The following SLCO5A1 variants were observed in gnomAD, a reference collection of about 807,000 sequenced individuals.
SLCO5A1 encodes organic anion transporter polypeptide-related protein 4.
SLCO5A1 carries 39 observed loss-of-function variants against 65.1 expected under a neutral mutation model. The observed-to-expected ratio is 0.60, with a 90% confidence interval of 0.46 to 0.78. The LOEUF (loss-of-function observed/expected upper bound fraction) is 0.78. Among genes scored for constraint, SLCO5A1 ranks in the 30% least tolerant of loss-of-function variants. SLCO5A1 has a pLI of 0.00. For synonymous variants in SLCO5A1, 438 were observed against 415.7 expected, an observed-to-expected ratio of 1.05 and a Z score of -0.65; for missense variants, 1,029 against 1,069.4, an observed-to-expected ratio of 0.96 and a Z score of 0.53.
chr8:69,682,479 G>C, intron 6 of SLCO5A1, 136 bp from the exon 7 acceptor site: 1 of 769,902 alleles, frequency 1.3e-6, no homozygotes, highest in Non-Finnish European at 1.8e-6. Context: ...ACCCAAAGTA[G>C]TCATCCTCAA....
At chr8:69,708,853 G>C (rs1815090265) in intron 5 of SLCO5A1, among the ~76,000 whole-genome samples, 1 of 152,110 alleles carries the variant, frequency 6.6e-6, no homozygotes, top group African/African-American at 2.4e-5. Context: ...GTTGCAGTGA[G>C]CTGAGACTGC....
intron 2 of SLCO5A1, among the ~76,000 whole-genome samples, chr8:69,783,380 T>C (rs575532969): frequency 6.6e-6 from 1 of 152,214 alleles, no homozygotes; most frequent in East Asian, 1.9e-4. Flanking sequence ...TTCTCTATTG[T>C]GTGCTTATTT....
chr8:69,704,768 C>A, intron 6 of SLCO5A1: 1 of 428,156 alleles, frequency 2.3e-6, no homozygotes, highest in Non-Finnish European at 4.2e-6. Flanking sequence ...TTCATTAATC[C>A]AATAAGCATT....
chr8:69,731,172 G>A (rs1458194758), intron 5 of SLCO5A1, among the ~76,000 whole-genome samples: 1 of 152,056 alleles, frequency 6.6e-6, no homozygotes, highest in Non-Finnish European at 1.5e-5. Flanking sequence ...GCTAATTTTT[G>A]TATTTTTTGT....
chr8:69,728,620 G>A lies in SLCO5A1; in HGVS notation c.1423+9420C>T, dbSNP rs555398252. On this transcript the variant is annotated intron_variant, in intron 5 of 9. Transcript: ENST00000260126. ...TCTAAAGCTGTATTTAGTATTTTAC[G>A]ATTAACTTCTGTGCTATATGTCTTA... is the stretch of plus-strand genomic sequence containing the variant. Among the ~76,000 whole-genome samples the A allele has an allele frequency of 1.4e-4, 22 of 152,204 alleles. No individual in the cohort carries two copies. In the South Asian group the frequency reaches 2.9e-3, roughly 20 times the overall value.
intron 5 of SLCO5A1, among the ~76,000 whole-genome samples, chr8:69,709,709 T>C (rs549809099): frequency 5.9e-5 from 9 of 152,170 alleles, no homozygotes; most frequent in Admixed American, 1.3e-4. Flanking sequence ...TCTGTATAAT[T>C]GAAAACAAAA....
intron 2 of SLCO5A1, among the ~76,000 whole-genome samples, chr8:69,820,350 G>A (rs2130919319): frequency 6.6e-6 from 1 of 152,258 alleles, no homozygotes; most frequent in East Asian, 1.9e-4. Flanking sequence ...CACCCCAGCT[G>A]GCTTATAACT....
chr8:69,726,004 G>A (rs1364021803), intron 5 of SLCO5A1, among the ~76,000 whole-genome samples: 1 of 152,202 alleles, frequency 6.6e-6, no homozygotes, highest in Non-Finnish European at 1.5e-5. Flanking sequence ...GTGGTAATGT[G>A]GAGAGCACCG....
chr8:69,784,922 GA>G (rs1168505663), intron 2 of SLCO5A1, among the ~76,000 whole-genome samples: 3 of 122,662 alleles, frequency 2.4e-5, no homozygotes, highest in Admixed American at 8.2e-5. Context: ...AAGAAAGAAA[GA>G]AAGAAAGAAA....
intron 2 of SLCO5A1, among the ~76,000 whole-genome samples, chr8:69,792,061 C>G (rs1328045974): frequency 6.6e-6 from 1 of 152,224 alleles, no homozygotes; most frequent in Admixed American, 6.5e-5. Flanking sequence ...AGCTATTACC[C>G]ATCTTCTTCT....
intron 2 of SLCO5A1, among the ~76,000 whole-genome samples, chr8:69,808,409 AC>A (rs1476000826): frequency 3.9e-5 from 6 of 152,138 alleles, no homozygotes; most frequent in Non-Finnish European, 7.4e-5. Flanking sequence ...ATAAGTGAGA[AC>A]ATGTGCTAAT....
intron 5 of SLCO5A1, 76 bp downstream of exon 5, chr8:69,737,964 G>T: frequency 6.7e-7 from 1 of 1,489,938 alleles, no homozygotes; most frequent in East Asian, 2.3e-5. Flanking sequence ...ATGTTAGATT[G>T]AACTTTCTCT....
At chr8:69,821,985 G>T (rs1270190132) in intron 2 of SLCO5A1, among the ~76,000 whole-genome samples, 1 of 151,998 alleles carries the variant, frequency 6.6e-6, no homozygotes, top group East Asian at 1.9e-4. Context: ...ACTTAGCCAG[G>T]CGTGGTGGCA....
chr8:69,702,275 C>T (rs1193268111), intron 6 of SLCO5A1, among the ~76,000 whole-genome samples: 1 of 152,200 alleles, frequency 6.6e-6, no homozygotes, highest in Non-Finnish European at 1.5e-5. Context: ...ACACACATAA[C>T]CCTTGCCCAC....
At chr8:69,829,055 T>C (rs964526223) in intron 2 of SLCO5A1, among the ~76,000 whole-genome samples, 1 of 152,220 alleles carries the variant, frequency 6.6e-6, no homozygotes, top group South Asian at 2.1e-4. Context: ...GGTATCACTG[T>C]ACAGATTGAT....
At chr8:69,678,997 A>T (rs1813657281) in intron 8 of SLCO5A1, among the ~76,000 whole-genome samples, 1 of 152,206 alleles carries the variant, frequency 6.6e-6, no homozygotes, top group Non-Finnish European at 1.5e-5. Flanking sequence ...CGATTTAGCA[A>T]CTTTCTCAAA....
chr8:69,780,184 C>T (rs1818733641), intron 2 of SLCO5A1, among the ~76,000 whole-genome samples: 1 of 152,228 alleles, frequency 6.6e-6, no homozygotes, highest in African/African-American at 2.4e-5. Context: ...GAAAAGGGAA[C>T]TCTTATACAC....
rs1813601457 is a variant in SLCO5A1 at position 69,677,588 on chromosome 8, C to T, written c.2025-915G>A. Among the ~76,000 whole-genome samples, 4 of 152,164 alleles carry T rather than the reference C, an allele frequency of 2.6e-5. No homozygotes were observed. In the South Asian group the frequency reaches 8.3e-4, roughly 32 times the overall value. ...CACCTTTTCCCCAATTTCTTTATTTCTCAGAGCAATTTGCAAAGTGCTGCA... is the reference window on the plus strand; with the variant it reads ...CACCTTTTCCCCAATTTCTTTATTTTTCAGAGCAATTTGCAAAGTGCTGCA... On this transcript the variant is annotated intron_variant, in intron 8 of 9. Coordinates refer to ENST00000260126, the MANE Select transcript of SLCO5A1 (RefSeq NM_030958.3).
At chr8:69,708,866 C>G (rs1204108600) in intron 5 of SLCO5A1, among the ~76,000 whole-genome samples, 1 of 152,090 alleles carries the variant, frequency 6.6e-6, no homozygotes, top group East Asian at 1.9e-4. Context: ...GAGACTGCAT[C>G]ACTGCACTCC....
Sources: gnomAD v4.1 joint callset for allele counts (sites outside exome capture counted in the v4.1 genomes callset) on GRCh38, gnomAD v4.1.1 for gene constraint, MANE v1.5 for transcripts, NCBI Gene and HGNC (gene_info 2026-07-23, HGNC 2026-07-21) for gene names.